PALB2: variants seen among roughly 807,000 people sequenced by gnomAD.
PALB2 encodes partner and localizer of BRCA2.
In PALB2, 82 loss-of-function variants were observed where a neutral mutation model predicts 107.4. The ratio of observed to expected loss-of-function variants is 0.76; its 90% confidence interval spans 0.64 to 0.92. PALB2 has a LOEUF of 0.92. Ranked by LOEUF, PALB2 falls within the 40% of genes least tolerant of loss-of-function variation. The pLI is 0.00. For missense variants in PALB2, 1,374 were observed against 1,379.9 expected, an observed-to-expected ratio of 1.00 and a Z score of 0.07; for synonymous variants, 489 against 496.8, an observed-to-expected ratio of 0.98 and a Z score of 0.21.
chr16:23,637,090 A>C lies in PALB2; in HGVS notation c.212-756T>G, dbSNP rs538637305. ...TGGTGAAACCCTGTCTCTACTAAAA[A>C]TACAAAAATTAGCTGGGCGTGGCGG... On this transcript the variant is annotated intron_variant, in intron 3 of 12. Transcript: ENST00000261584. 3.3e-4 allele frequency among the ~76,000 whole-genome samples: 50 copies of C among 152,182 alleles called. 1 individual carries two copies. The highest frequency in any genetic ancestry group is 6.6e-4 in the Non-Finnish European group (45 of 68,002).
chr16:23,634,868 C>G lies in PALB2; in HGVS notation c.1678G>C (p.Val560Leu), dbSNP rs1966946608. 6.2e-7 allele frequency: 1 copy of G among 1,613,452 alleles called. No individual in the cohort carries two copies. The highest frequency in any genetic ancestry group is 8.5e-7 in the Non-Finnish European group (1 of 1,179,610). The change falls in exon 4 of 13, where the codon GTG (valine) becomes CTG (leucine). Residue 560 changes from valine (V) to leucine (L), a missense_variant. Val to Leu is a conservative substitution (Grantham distance 32). Transcript: ENST00000261584. ...CAAACACATCTTGATTTACCTTTCACTTGAATAAATAATTTTTCGTGCTGA... is the reference window on the plus strand; with the variant it reads ...CAAACACATCTTGATTTACCTTTCAGTTGAATAAATAATTTTTCGTGCTGA... ...KYQHEKLFIQ[V>L]KGKKSRHQKE... is the part of the protein sequence containing the mutation.
At chr16:23,604,903 G>A (rs1173783277) in intron 12 of PALB2, among the ~76,000 whole-genome samples, 2 of 151,842 alleles carry the variant, frequency 1.3e-5, no homozygotes, top group Admixed American at 6.6e-5. Flanking sequence ...GTGAAACCCC[G>A]TCTCTACTAA....
intron 4 of PALB2, among the ~76,000 whole-genome samples, chr16:23,632,317 G>A (rs1470615870): frequency 3.9e-5 from 6 of 151,998 alleles, no homozygotes; most frequent in South Asian, 2.1e-4. Context: ...GGTGGCAGGC[G>A]CCTGTAATCT....
chr16:23,633,435 G>C lies in PALB2; in HGVS notation c.1684+1427C>G, dbSNP rs140246896. ...AGACAGAACACAAAGACTAAAATCT[G>C]TGCTATCTGGCCCATTCTAGAAAGT... On this transcript the variant is annotated intron_variant, in intron 4 of 12. Coordinates refer to ENST00000261584, the MANE Select transcript of PALB2 (RefSeq NM_024675.4). Among the ~76,000 whole-genome samples, 392 of 152,272 alleles carry C rather than the reference G, an allele frequency of 2.6e-3. 2 individuals are homozygous for C. The highest frequency in any genetic ancestry group is 9.0e-3 in the African/African-American group (373 of 41,570).
At position 23,603,603 on chromosome 16, in the gene PALB2, A is replaced by G. The variant is rs876659632; in HGVS notation, c.3417T>C (p.Ile1139=). 1 of 1,614,212 alleles carries G rather than the reference A, an allele frequency of 6.2e-7. No homozygotes were observed. The highest frequency in any genetic ancestry group is 1.7e-5 in the Admixed American group (1 of 60,010). ...AAILTSGTIA[I]WDLLLGQCTA... ...TACACTGACCGAGAAGTAAGTCCCAAATGGCAATTGTTCCAGAAGTCAAGA... is the reference window on the plus strand; with the variant it reads ...TACACTGACCGAGAAGTAAGTCCCAGATGGCAATTGTTCCAGAAGTCAAGA... The change falls in exon 13 of 13, where the codon ATT becomes ATC. Residue 1139 remains isoleucine (I), a synonymous_variant. Coordinates refer to ENST00000261584, the MANE Select transcript of PALB2 (RefSeq NM_024675.4).
rs1287282675 is a variant in PALB2, at chr16:23,603,401, C to T, written c.*58G>A. On this transcript the variant is annotated 3_prime_UTR_variant, in exon 13 of 13. Coordinates refer to ENST00000261584, the MANE Select transcript of PALB2 (RefSeq NM_024675.4). Reference sequence around the variant, plus strand: ...ATATTCTCCTTTATATTTAAAACTCCAAAAAATACTAAGAGGCCCAATATA... The same window carrying T: ...ATATTCTCCTTTATATTTAAAACTCTAAAAAATACTAAGAGGCCCAATATA... 3 of 1,436,304 alleles carry T rather than the reference C, an allele frequency of 2.1e-6. No homozygotes were observed. Among genetic ancestry groups the T allele is most frequent in the Non-Finnish European group, 9.8e-7 (1 of 1,020,164 alleles). 89.0% of individuals were successfully genotyped at this position (1,436,304 alleles called of 1,614,324 possible). A position where few individuals can be genotyped will look rare whatever the true frequency, so the allele number is the denominator to read the frequency against.
At chr16:23,608,797 T>TACACACACACACACACACACACACAC (rs1310999089) in intron 11 of PALB2, among the ~76,000 whole-genome samples, 86 of 111,382 alleles carry the variant, frequency 7.7e-4, no homozygotes, top group East Asian at 4.9e-3. Context: ...TGTGTGTATA[T>TACACACACACACACACACACACACAC]ATATACACAC....
intron 12 of PALB2, among the ~76,000 whole-genome samples, chr16:23,606,686 C>T (rs1966481558): frequency 6.6e-6 from 1 of 151,782 alleles, no homozygotes; most frequent in South Asian, 2.1e-4. Flanking sequence ...CTACCATGCC[C>T]AGCTAATTTT....
chr16:23,636,921 G>T (rs1273370841), intron 3 of PALB2, among the ~76,000 whole-genome samples: 1 of 151,994 alleles, frequency 6.6e-6, no homozygotes, highest in Non-Finnish European at 1.5e-5. Flanking sequence ...TTTTCACCTA[G>T]AATTTTTCTC....
chr16:23,616,214 A>G (rs999857062), intron 10 of PALB2, among the ~76,000 whole-genome samples: 5 of 152,012 alleles, frequency 3.3e-5, no homozygotes, highest in African/African-American at 1.2e-4. Flanking sequence ...TCCAAGCTGC[A>G]TGAACTCACT....
chr16:23,603,897 T>G (rs1253022177), intron 12 of PALB2, among the ~76,000 whole-genome samples: 4 of 152,170 alleles, frequency 2.6e-5, no homozygotes, highest in Non-Finnish European at 4.4e-5. Flanking sequence ...CTTGTAGCAA[T>G]TGAAGGCTGG....
chr16:23,631,231 G>T, intron 4 of PALB2, among the ~76,000 whole-genome samples: 1 of 132,908 alleles, frequency 7.5e-6, no homozygotes, highest in East Asian at 2.4e-4. Flanking sequence ...AGTTAGCGGA[G>T]ATGGCACCAC....
At position 23,637,901 on chromosome 16, in the gene PALB2, C is replaced by T. The variant is rs1567224004; in HGVS notation, c.160G>A (p.Glu54Lys). The T allele has an allele frequency of 3.7e-6, 6 of 1,614,068 alleles. No individual in the cohort carries two copies. The highest frequency in any genetic ancestry group is 5.1e-6 in the Non-Finnish European group (6 of 1,179,990). ...TCCTGCTGAGACAAACAATCTTGTT[C>T]TTCTACTGTTTTCTTAATAGAATGC... Reference protein sequence around the residue: ...IKHSIKKTVEEQDCLSQQDLS... With the variant: ...IKHSIKKTVEKQDCLSQQDLS... Residue 54 changes from glutamate to lysine, a missense_variant, in exon 3 of 13, where the codon GAA (glutamate) becomes AAA (lysine). Coordinates refer to ENST00000261584, the MANE Select transcript of PALB2 (RefSeq NM_024675.4).
At chr16:23,615,025 T>G (rs1966660672) in intron 10 of PALB2, among the ~76,000 whole-genome samples, 1 of 148,542 alleles carries the variant, frequency 6.7e-6, no homozygotes, top group Non-Finnish European at 1.5e-5. Context: ...CTTGGCTCAC[T>G]GCAATCTGCA....
At chr16:23,640,581 A>G in intron 1 of PALB2, 1 of 232,718 alleles carries the variant, frequency 4.3e-6, no homozygotes, top group African/African-American at 2.2e-5. Flanking sequence ...ACTGTCTAGA[A>G]CTTAAAAAAG....
At chr16:23,625,999 T>C (rs1966841872) in intron 7 of PALB2, among the ~76,000 whole-genome samples, 1 of 151,878 alleles carries the variant, frequency 6.6e-6, no homozygotes, top group Admixed American at 6.6e-5. Context: ...AAACAAAAAT[T>C]TGTGATAAAG....
rs377343 is a variant in PALB2 at position 23,637,530 on chromosome 16, C to T, written c.211+320G>A. On this transcript the variant is annotated intron_variant, in intron 3 of 12. Coordinates refer to ENST00000261584, the MANE Select transcript of PALB2 (RefSeq NM_024675.4). ...CCGGCCTGGCCAACATGGCGAAACC[C>T]CATCTCTACTAAAAATATAACAATT... 0.056 allele frequency among the ~76,000 whole-genome samples: 8,440 copies of T among 152,000 alleles called. 306 individuals are homozygous for T. The highest frequency in any genetic ancestry group is 0.17 in the East Asian group (879 of 5,138).
intron 11 of PALB2, among the ~76,000 whole-genome samples, chr16:23,613,552 G>A (rs185312176): frequency 7.9e-5 from 12 of 151,780 alleles, no homozygotes; most frequent in Non-Finnish European, 1.8e-4. Context: ...ACTGAGGCAG[G>A]ACAATTAATT....
chr16:23,614,598 G>A (rs1340290069), intron 10 of PALB2, among the ~76,000 whole-genome samples: 1 of 149,132 alleles, frequency 6.7e-6, no homozygotes, highest in Non-Finnish European at 1.5e-5. Flanking sequence ...AGAGAGGGGT[G>A]AATATAAAGA....
Sources: gnomAD v4.1 joint callset for allele counts (sites outside exome capture counted in the v4.1 genomes callset) on GRCh38, gnomAD v4.1.1 for gene constraint, MANE v1.5 for transcripts, NCBI Gene and HGNC (gene_info 2026-07-23, HGNC 2026-07-21) for gene names.